Variants in MYH9 observed in about 807,000 individuals in gnomAD.
The protein encoded by MYH9 is myosin heavy chain 9.
In MYH9, 29 loss-of-function variants were observed where a neutral mutation model predicts 241.9. The ratio of observed to expected loss-of-function variants is 0.12; its 90% CI spans 0.09 to 0.16. MYH9 has a LOEUF of 0.16. MYH9 is among the 10% of genes least tolerant of loss of function. The pLI, the probability that MYH9 is intolerant of heterozygous loss-of-function variation, is 1.00. For synonymous variants in MYH9, 1,047 were observed against 1,062.6 expected (o/e 0.99, Z 0.29); for missense variants, 1,803 against 2,595.5 (o/e 0.69, Z 6.63).
chr22:36,338,943 C>G (rs1030568195), intron 3 of MYH9, among the ~76,000 whole-genome samples: 1 of 152,146 alleles, frequency 6.6e-6, no homozygotes, highest in Non-Finnish European at 1.5e-5. Flanking sequence ...CACAGATGTA[C>G]GAGGGTGGCC....
chr22:36,351,842 A>G (rs529538895), intron 1 of MYH9, among the ~76,000 whole-genome samples: 2 of 152,124 alleles, frequency 1.3e-5, no homozygotes, highest in African/African-American at 4.8e-5. Flanking sequence ...CCGCCAATGA[A>G]CGCATCTGAG....
chr22:36,311,474 G>A (rs1391393258), intron 14 of MYH9, among the ~76,000 whole-genome samples: 1 of 152,138 alleles, frequency 6.6e-6, no homozygotes, highest in Non-Finnish European at 1.5e-5. Flanking sequence ...AGGGATGCTG[G>A]TAAACATCCT....
chr22:36,378,983 AG>A (rs2018214717), intron 1 of MYH9, among the ~76,000 whole-genome samples: 1 of 152,144 alleles, frequency 6.6e-6, no homozygotes, highest in Non-Finnish European at 1.5e-5. Flanking sequence ...AAAAAAAAAA[AG>A]AAATGTTATT....
intron 1 of MYH9, among the ~76,000 whole-genome samples, chr22:36,382,301 C>A (rs898146999): frequency 4.0e-5 from 6 of 150,946 alleles, no homozygotes; most frequent in Admixed American, 4.0e-4. Context: ...ATGGTGAAAC[C>A]CCATTTCTAT....
chr22:36,348,883 G>C (rs775871837), intron 2 of MYH9, 21 bp downstream of exon 2: 6 of 1,602,582 alleles, frequency 3.7e-6, no homozygotes, highest in Non-Finnish European at 5.1e-6. Flanking sequence ...CAGCCTGCGG[G>C]GTGCCACGGC....
chr22:36,349,141 T>C lies in MYH9; in HGVS notation c.96A>G (p.Val32=), dbSNP rs529011382. The C allele has an allele frequency of 3.7e-6, 6 of 1,614,152 alleles. No individual in the cohort carries two copies. Among genetic ancestry groups the C allele is most frequent in the African/African-American group, 2.7e-5 (2 of 75,060 alleles). Residue 32 remains valine, a synonymous_variant, in exon 2 of 41, where the codon GTA becomes GTG. Coordinates refer to ENST00000216181, the MANE Select transcript of MYH9 (RefSeq NM_002473.6). ...AQADWAAKKL[V]WVPSDKSGFE... ...AGCCACTCTTGTCGGAAGGCACCCA[T>C]ACCAGCTTCTTGGCAGCCCAGTCGG...
intron 40 of MYH9, among the ~76,000 whole-genome samples, chr22:36,283,656 G>C (rs1295684322): frequency 1.3e-5 from 2 of 151,548 alleles, no homozygotes; most frequent in Non-Finnish European, 2.9e-5. Flanking sequence ...AAAAAAACAC[G>C]TAAGAAATGA....
At chr22:36,374,055 A>C (rs976029191) in intron 1 of MYH9, among the ~76,000 whole-genome samples, 4 of 148,264 alleles carry the variant, frequency 2.7e-5, no homozygotes, top group Admixed American at 1.4e-4. Flanking sequence ...CACCACACAC[A>C]CCCCCACCTT....
chr22:36,284,480 G>A lies in MYH9; in HGVS notation c.5515C>T (p.Arg1839Trp), dbSNP rs1330177690. Residue 1839 changes from arginine (R) to tryptophan (W), a missense_variant, in exon 39 of 41, where the codon CGG becomes TGG. Physicochemically the swap from Arg to Trp is moderately radical, Grantham distance 101. Transcript: ENST00000216181. ...ERQAACKQVR[R>W]TEKKLKDVLL... Reference sequence around the variant, plus strand: ...ACATCCTTCAGCTTCTTCTCGGTCCGACGCACCTGTTTGCAGGCTGCCTGG... The same window carrying A: ...ACATCCTTCAGCTTCTTCTCGGTCCAACGCACCTGTTTGCAGGCTGCCTGG... 1 of 1,613,176 alleles carries A rather than the reference G, an allele frequency of 6.2e-7. No individual in the cohort carries two copies.
intron 2 of MYH9, among the ~76,000 whole-genome samples, chr22:36,346,456 T>C (rs534487697): frequency 6.6e-6 from 1 of 152,254 alleles, no homozygotes; most frequent in East Asian, 1.9e-4. Context: ...CACAGAAAAT[T>C]AAACGGCTGA....
rs1471550794 is a variant in MYH9, at chr22:36,314,003, G to A, written c.1554+142C>T. 96 of 1,109,694 alleles carry A rather than the reference G, an allele frequency of 8.7e-5. 1 individual carries two copies. The highest frequency in any genetic ancestry group is 1.1e-4 in the Non-Finnish European group (86 of 748,418). The allele number at this position is 1,109,694 out of a possible 1,614,324, so 68.7% of individuals were successfully genotyped here. ...CTCCCAGGCACTGGATCTCAGCCTT[G>A]GGGCTTCATCCTCCGGGTGGCACCA... is the stretch of plus-strand genomic sequence containing the variant. On this transcript the variant is annotated intron_variant, in intron 13 of 40. Transcript: ENST00000216181.
At chr22:36,387,050 T>G (rs1234727214) in intron 1 of MYH9, among the ~76,000 whole-genome samples, 2 of 152,172 alleles carry the variant, frequency 1.3e-5, no homozygotes, top group East Asian at 3.9e-4. Flanking sequence ...CGGGCCTCCC[T>G]CCCCCGAGGA....
Position 36,295,140 on chromosome 22 carries a change from T to TC in MYH9, c.3486-65dup. ...GCTGGAGCGAGGCTGTCCCTGGGGC[T>TC]CTTCCCTGACCAAAGAGAGGCCTGG... On this transcript the variant is annotated intron_variant, in intron 26 of 40. Transcript: ENST00000216181. This position sits in a 1 kb window ranked among gnomAD's most constrained non-coding sequence, Gnocchi z 4.1. 6.2e-7 allele frequency: 1 copy of TC among 1,610,840 alleles called. No individual in the cohort carries two copies. Among genetic ancestry groups the TC allele is most frequent in the Admixed American group, 1.7e-5 (1 of 60,014 alleles).
intron 3 of MYH9, among the ~76,000 whole-genome samples, chr22:36,334,280 C>T (rs748289821): frequency 3.3e-5 from 5 of 152,232 alleles, no homozygotes; most frequent in Non-Finnish European, 7.3e-5. Context: ...CTCGCATCAG[C>T]TCGAGGACAG....
chr22:36,345,205 G>C (rs1424060099), intron 2 of MYH9, among the ~76,000 whole-genome samples: 1 of 151,872 alleles, frequency 6.6e-6, no homozygotes, highest in South Asian at 2.1e-4. Context: ...CCAGCTACTC[G>C]GGAGGCTGAG....
intron 13 of MYH9, among the ~76,000 whole-genome samples, chr22:36,313,441 G>C (rs565477141): frequency 1.9e-5 from 2 of 103,468 alleles, no homozygotes; most frequent in African/African-American, 3.5e-5. Flanking sequence ...GACAGAGCGA[G>C]ACTCCGTCTC....
At position 36,288,616 on chromosome 22, in the gene MYH9, G is replaced by C; in HGVS notation, c.4770+111C>G. ...GCTAGAAAGAAGGAATATGGGAGGG[G>C]AGGCGTGGTCAAGGGGCCCTAACAC... On this transcript the variant is annotated intron_variant, in intron 33 of 40. Transcript: ENST00000216181. This position sits in a 1 kb window ranked among gnomAD's most constrained non-coding sequence, Gnocchi z 4.8. 1 of 1,378,376 alleles carries C rather than the reference G, an allele frequency of 7.3e-7. No homozygotes were observed. Among genetic ancestry groups the C allele is most frequent in the Non-Finnish European group, 1.0e-6 (1 of 980,990 alleles). 85.4% of individuals were successfully genotyped at this position (1,378,376 alleles called of 1,614,324 possible).
At chr22:36,321,561 C>T (rs1364568584) in intron 7 of MYH9, among the ~76,000 whole-genome samples, 197 bp downstream of exon 7, 1 of 152,178 alleles carries the variant, frequency 6.6e-6, no homozygotes, top group East Asian at 1.9e-4. Context: ...GTTATCCTGC[C>T]TGTAAATAAG....
intron 5 of MYH9, chr22:36,324,894 C>A: frequency 1.7e-6 from 1 of 592,654 alleles, no homozygotes; most frequent in Non-Finnish European, 3.0e-6. Context: ...GTGCTGCCTT[C>A]CCCTCTACAA....
Sources: gnomAD v4.1 joint callset for allele counts (sites outside exome capture counted in the v4.1 genomes callset) on GRCh38, gnomAD v4.1.1 for gene constraint, Gnocchi (gnomAD v3.1) non-coding constraint, MANE v1.5 for transcripts, NCBI Gene and HGNC (gene_info 2026-07-23, HGNC 2026-07-21) for gene names.